Variants in TRIM35 observed in about 807,000 individuals in gnomAD.
TRIM35 encodes the protein E3 ubiquitin-protein ligase TRIM35.
TRIM35 carries 37 observed loss-of-function variants against 49.1 expected under a neutral mutation model. The observed-to-expected ratio is 0.75, with a 90% CI of 0.58 to 0.99. The LOEUF is 0.99. TRIM35 is among the 50% of genes least tolerant of loss of function. The pLI is 0.00. For synonymous variants in TRIM35, 302 were observed against 289.3 expected (o/e 1.04, Z -0.45); for missense variants, 648 against 702.7 (o/e 0.92, Z 0.88).
rs774551484 is a variant in TRIM35, at chr8:27,311,199, G to A, written c.37C>T (p.Arg13Cys). The change falls in exon 1 of 6, where the codon CGC becomes TGC. Residue 13 changes from arginine (R) to cysteine (C), a missense_variant. Physicochemically the swap from Arg to Cys is radical, Grantham distance 180. Coordinates refer to ENST00000305364, the MANE Select transcript of TRIM35 (RefSeq NM_171982.5). ...CAGAGCAACTCCTCCTTGAAGGAGC[G>A]GGAAGGCCCGGGGGACACGTCGGGA... ...RSPDVSPGPSRSFKEELLCAV... is the reference protein window; with the variant it reads ...RSPDVSPGPSCSFKEELLCAV... 6.3e-7 allele frequency: 1 copy of A among 1,595,240 alleles called. No individual in the cohort carries two copies. Among genetic ancestry groups the A allele is most frequent in the Non-Finnish European group, 8.5e-7 (1 of 1,169,728 alleles).
chr8:27,296,274 C>T (rs1185746304), intron 2 of TRIM35, among the ~76,000 whole-genome samples: 1 of 151,656 alleles, frequency 6.6e-6, no homozygotes, highest in Non-Finnish European at 1.5e-5. Context: ...ATCACCTAGG[C>T]ATTAAGCCCC....
intron 2 of TRIM35, among the ~76,000 whole-genome samples, chr8:27,297,527 T>C (rs1333446725): frequency 1.3e-5 from 2 of 152,342 alleles, no homozygotes; most frequent in South Asian, 4.1e-4. Flanking sequence ...TGGTCACCTA[T>C]TGTGTGCCAA....
chr8:27,290,878 A>T (rs1006671660), intron 3 of TRIM35, among the ~76,000 whole-genome samples: 1 of 152,200 alleles, frequency 6.6e-6, no homozygotes, highest in African/African-American at 2.4e-5. Flanking sequence ...AATCAACAGT[A>T]ATCAAGATAG....
At chr8:27,305,695 AG>A (rs1802769944) in intron 1 of TRIM35, among the ~76,000 whole-genome samples, 1 of 152,206 alleles carries the variant, frequency 6.6e-6, no homozygotes, top group Non-Finnish European at 1.5e-5. Flanking sequence ...CTGGTGGCAA[AG>A]AATGGTCATC....
At chr8:27,300,780 C>T (rs1802668739) in intron 1 of TRIM35, among the ~76,000 whole-genome samples, 1 of 152,182 alleles carries the variant, frequency 6.6e-6, no homozygotes, top group Non-Finnish European at 1.5e-5. Flanking sequence ...CCCCACAAAA[C>T]CACTGAAATG....
chr8:27,285,143 T>C lies in TRIM35; in HGVS notation c.*2407A>G, dbSNP rs969530040. The stretch of plus-strand genomic sequence containing the variant: ...TCAATATCATTCGCCATCAGGGAAA[T>C]GCAAACCAAAATCACAATGAGATGC... On this transcript the variant is annotated 3_prime_UTR_variant, in exon 6 of 6. Coordinates refer to ENST00000305364, the MANE Select transcript of TRIM35 (RefSeq NM_171982.5). 6.6e-6 allele frequency: 1 copy of C among 152,168 alleles called. No individual in the cohort carries two copies. The highest frequency in any genetic ancestry group is 1.5e-5 in the Non-Finnish European group (1 of 68,030). 9.4% of individuals were successfully genotyped at this position (152,168 alleles called of 1,614,324 possible).
intron 3 of TRIM35, 180 bp downstream of exon 3, chr8:27,293,900 C>T (rs1474095536): frequency 3.3e-6 from 2 of 607,870 alleles, no homozygotes; most frequent in African/African-American, 1.9e-5. Flanking sequence ...CAAGGAACTC[C>T]GCCCTGATAA....
At chr8:27,299,810 T>C (rs1040998114) in intron 1 of TRIM35, among the ~76,000 whole-genome samples, 2 of 152,134 alleles carry the variant, frequency 1.3e-5, no homozygotes, top group African/African-American at 4.8e-5. Flanking sequence ...GGCCAGTGCA[T>C]TTTGCATGTG....
chr8:27,294,246 C>G lies in TRIM35; in HGVS notation c.596G>C (p.Arg199Thr). Reference sequence around the variant, plus strand: ...ATCCAGAATGGCCTGCTCCTCCACTCTCAAGAACTCGCGAAGCTTATCAAA... The same window carrying G: ...ATCCAGAATGGCCTGCTCCTCCACTGTCAAGAACTCGCGAAGCTTATCAAA... Reference protein sequence around the residue: ...QEFDKLREFLRVEEQAILDAM... With the variant: ...QEFDKLREFLTVEEQAILDAM... Residue 199 changes from arginine to threonine, a missense_variant, in exon 3 of 6, where the codon AGA becomes ACA. Transcript: ENST00000305364. 1 of 1,614,230 alleles carries G rather than the reference C, an allele frequency of 6.2e-7. No homozygotes were observed. Among genetic ancestry groups the G allele is most frequent in the Non-Finnish European group, 8.5e-7 (1 of 1,180,050 alleles).
chr8:27,309,851 G>C (rs1356483396), intron 1 of TRIM35, among the ~76,000 whole-genome samples: 4 of 151,834 alleles, frequency 2.6e-5, no homozygotes, highest in African/African-American at 9.7e-5. Context: ...AATTAGCCAG[G>C]CGTGTTGGTA....
Position 27,294,200 on chromosome 8 carries a change from C to A in TRIM35, c.642G>T (p.Arg214Ser). The A allele has an allele frequency of 6.2e-7, 1 of 1,614,212 alleles. No individual in the cohort carries two copies. The highest frequency in any genetic ancestry group is 1.1e-5 in the South Asian group (1 of 91,088). Residue 214 changes from arginine to serine, a missense_variant, in exon 3 of 6, where the codon AGG becomes AGT. Coordinates refer to ENST00000305364, the MANE Select transcript of TRIM35 (RefSeq NM_171982.5). ...TCTCGTCGGCCAGAAGTTGCTTCTG[C>A]CTTGTCTCCTCGGCCATGGCATCCA... ...AILDAMAEET[R>S]QKQLLADEKM...
At position 27,295,429 on chromosome 8, in the gene TRIM35, G is replaced by C. The variant is rs117769045; in HGVS notation, c.532-1119C>G. 4.6e-5 allele frequency among the ~76,000 whole-genome samples: 7 copies of C among 152,284 alleles called. No homozygotes were observed. In the East Asian group the frequency reaches 1.3e-3, roughly 29 times the overall value. On this transcript the variant is annotated intron_variant, in intron 2 of 5. Transcript: ENST00000305364. ...TTTGGACTGAAAGTTAAATACAGAT[G>C]CTCCTCAAGTTATGATGGGGTTACA...
chr8:27,297,277 C>G (rs1340537947), intron 2 of TRIM35, among the ~76,000 whole-genome samples: 1 of 152,216 alleles, frequency 6.6e-6, no homozygotes, highest in Non-Finnish European at 1.5e-5. Flanking sequence ...AGGCATGGCT[C>G]AGCTGTGGCT....
At chr8:27,306,688 T>C (rs1563445782) in intron 1 of TRIM35, among the ~76,000 whole-genome samples, 1 of 152,134 alleles carries the variant, frequency 6.6e-6, no homozygotes. Context: ...CTTGTCCTGA[T>C]AAGGAAAGAA....
Position 27,287,520 on chromosome 8 carries a change from G to T in TRIM35, c.*30C>A. ...GAGGGCAGAAAGAAAACAGTGCTGTGGCACAAGACCGGGGCAGCCCCGGGC... is the reference window on the plus strand; with the variant it reads ...GAGGGCAGAAAGAAAACAGTGCTGTTGCACAAGACCGGGGCAGCCCCGGGC... On this transcript the variant is annotated 3_prime_UTR_variant, in exon 6 of 6. Transcript: ENST00000305364. This position sits in a 1 kb window ranked among gnomAD's most constrained non-coding sequence, Gnocchi z 6.0. 2 of 1,514,846 alleles carry T rather than the reference G, an allele frequency of 1.3e-6. No individual in the cohort carries two copies. Among genetic ancestry groups the T allele is most frequent in the South Asian group, 1.3e-5 (1 of 76,704 alleles). The allele number at this position is 1,514,846 out of a possible 1,614,324, so 93.8% of individuals were successfully genotyped here.
Position 27,285,285 on chromosome 8 carries a change from A to T in TRIM35, c.*2265T>A. On this transcript the variant is annotated 3_prime_UTR_variant, in exon 6 of 6. Transcript: ENST00000305364. The stretch of plus-strand genomic sequence containing the variant: ...ATGGGATATAAAATTGTGTCACCAC[A>T]TTGGAAAACAGTTTGGGAGTCCCTC... 6.6e-6 allele frequency: 1 copy of T among 152,232 alleles called. No homozygotes were observed. 9.4% of individuals were successfully genotyped at this position (152,232 alleles called of 1,614,324 possible). A position where few individuals can be genotyped will look rare whatever the true frequency, so the allele number is the denominator to read the frequency against.
intron 1 of TRIM35, among the ~76,000 whole-genome samples, chr8:27,301,771 A>G (rs1210230140): frequency 6.6e-6 from 1 of 152,214 alleles, no homozygotes; most frequent in Non-Finnish European, 1.5e-5. Flanking sequence ...TATTTCCTCA[A>G]AGCTTTATAG....
chr8:27,303,939 C>T (rs1272828479), intron 1 of TRIM35, among the ~76,000 whole-genome samples: 1 of 152,190 alleles, frequency 6.6e-6, no homozygotes, highest in African/African-American at 2.4e-5. Context: ...GGTGATCCGC[C>T]CGCCTCGGCA....
chr8:27,285,952 C>T lies in TRIM35; in HGVS notation c.*1598G>A, dbSNP rs112061779. 3.9e-4 allele frequency: 145 copies of T among 372,980 alleles called. No individual in the cohort carries two copies. Among genetic ancestry groups the T allele is most frequent in the African/African-American group, 1.3e-3 (60 of 47,484 alleles). 23.1% of individuals were successfully genotyped at this position (372,980 alleles called of 1,614,324 possible). A position where few individuals can be genotyped will look rare whatever the true frequency, so the allele number is the denominator to read the frequency against. ...ATCCAGCCCCTTCACACACTGACAT[C>T]GCCTACCTGGGCCCTCCTTGTGGCC... On this transcript the variant is annotated 3_prime_UTR_variant, in exon 6 of 6. Coordinates refer to ENST00000305364, the MANE Select transcript of TRIM35 (RefSeq NM_171982.5).
Sources: gnomAD v4.1 joint callset for allele counts (sites outside exome capture counted in the v4.1 genomes callset) on GRCh38, gnomAD v4.1.1 for gene constraint, Gnocchi (gnomAD v3.1) non-coding constraint, MANE v1.5 for transcripts, NCBI Gene and HGNC (gene_info 2026-07-23, HGNC 2026-07-21) for gene names.